The following ST18 variants were observed in gnomAD, a reference collection of about 807,000 sequenced individuals.
The protein encoded by ST18 is ST18 C2H2C-type zinc finger transcription factor, also known as suppression of tumorigenicity 18 protein.
A neutral mutation model predicts 110.0 loss-of-function variants in ST18; 50 were observed. The observed-to-expected ratio is 0.45, with a 90% CI of 0.36 to 0.58. ST18 has a LOEUF of 0.58. ST18 is among the 20% of genes least tolerant of loss of function. The pLI, the probability that ST18 is intolerant of heterozygous loss-of-function variation, is 0.00. For missense variants in ST18, 1,306 were observed against 1,280.1 expected (o/e 1.02, Z -0.31); for synonymous variants, 461 against 452.4 (o/e 1.02, Z -0.24).
intron 2 of ST18, among the ~76,000 whole-genome samples, chr8:52,288,535 A>G (rs1186422899): frequency 1.3e-5 from 2 of 151,924 alleles, no homozygotes; most frequent in South Asian, 2.1e-4. Context: ...TCCCATCTCT[A>G]CTAAAAATAC....
At chr8:52,178,161 T>C (rs1004403118) in intron 9 of ST18, among the ~76,000 whole-genome samples, 1 of 152,166 alleles carries the variant, frequency 6.6e-6, no homozygotes, top group Non-Finnish European at 1.5e-5. Flanking sequence ...GTGAGCCAGA[T>C]ATAGTCTGTC....
At chr8:52,132,426 A>G (rs1214621817) in intron 21 of ST18, among the ~76,000 whole-genome samples, 2 of 152,340 alleles carry the variant, frequency 1.3e-5, no homozygotes, top group Non-Finnish European at 1.5e-5. Context: ...TGAAGCTTAG[A>G]GAGCTCAGGT....
At chr8:52,287,908 G>A (rs771655442) in intron 2 of ST18, among the ~76,000 whole-genome samples, 26 of 152,158 alleles carry the variant, frequency 1.7e-4, no homozygotes, top group Non-Finnish European at 2.9e-4. Flanking sequence ...GAGACCCAGG[G>A]ACCAAGCTGA....
chr8:52,279,037 A>T (rs922011399), intron 2 of ST18, among the ~76,000 whole-genome samples: 2 of 152,206 alleles, frequency 1.3e-5, no homozygotes, highest in African/African-American at 2.4e-5. Flanking sequence ...ATAATTTTTT[A>T]AAAAATAATA....
At chr8:52,299,422 TTCAAAG>T (rs2139497643) in intron 2 of ST18, among the ~76,000 whole-genome samples, 1 of 152,344 alleles carries the variant, frequency 6.6e-6, no homozygotes, top group African/African-American at 2.4e-5. Flanking sequence ...TTTTCAAATC[TTCAAAG>T]TCAATTTTAA....
At chr8:52,330,120 G>A (rs1428229549) in intron 2 of ST18, among the ~76,000 whole-genome samples, 1 of 152,204 alleles carries the variant, frequency 6.6e-6, no homozygotes, top group Non-Finnish European at 1.5e-5. Flanking sequence ...CTAGGATGCA[G>A]AAGGAATTTT....
intron 17 of ST18, among the ~76,000 whole-genome samples, chr8:52,141,040 T>C (rs575499946): frequency 6.6e-5 from 10 of 152,276 alleles, no homozygotes; most frequent in South Asian, 6.2e-4. Context: ...CCTGAAACAG[T>C]GTTCAAGCCG....
intron 11 of ST18, 69 bp downstream of exon 11, chr8:52,166,783 A>G: frequency 2.1e-6 from 3 of 1,401,824 alleles, no homozygotes; most frequent in Non-Finnish European, 1.9e-6. Context: ...AAATTGGGAG[A>G]CAAAGAGGAT....
chr8:52,143,127 G>A (rs1313499918), intron 16 of ST18, 82 bp from the exon 17 acceptor site: 3 of 889,834 alleles, frequency 3.4e-6, no homozygotes, highest in Non-Finnish European at 5.4e-6. Context: ...AATCATTGAA[G>A]CCAGGTTTGA....
At chr8:52,340,783 G>A (rs1814592506) in intron 2 of ST18, among the ~76,000 whole-genome samples, 1 of 152,146 alleles carries the variant, frequency 6.6e-6, no homozygotes, top group African/African-American at 2.4e-5. Context: ...TACTTCCAAA[G>A]TTCAAATATA....
chr8:52,231,898 A>G (rs570830348), intron 2 of ST18, among the ~76,000 whole-genome samples: 1 of 152,218 alleles, frequency 6.6e-6, no homozygotes, highest in East Asian at 1.9e-4. Context: ...GCTCTGGAAC[A>G]TCAGTGACAT....
intron 2 of ST18, among the ~76,000 whole-genome samples, chr8:52,361,774 C>T (rs903525854): frequency 1.3e-5 from 2 of 152,036 alleles, no homozygotes; most frequent in Non-Finnish European, 2.9e-5. Context: ...TTAAAAAATG[C>T]GTTTGGGATC....
intron 9 of ST18, among the ~76,000 whole-genome samples, chr8:52,175,135 C>T (rs538342748): frequency 6.6e-6 from 1 of 152,228 alleles, no homozygotes; most frequent in East Asian, 1.9e-4. Context: ...TTGGCACCAC[C>T]GTAGGCACAT....
intron 15 of ST18, among the ~76,000 whole-genome samples, chr8:52,157,016 C>A (rs917698552): frequency 6.6e-6 from 1 of 152,212 alleles, no homozygotes; most frequent in Non-Finnish European, 1.5e-5. Flanking sequence ...GTGCGGCGAG[C>A]TCCTGTCACC....
At chr8:52,266,313 A>G (rs2138766920) in intron 2 of ST18, among the ~76,000 whole-genome samples, 1 of 152,292 alleles carries the variant, frequency 6.6e-6, no homozygotes, top group African/African-American at 2.4e-5. Context: ...ATGTAAGTGT[A>G]GTTGGATATG....
intron 2 of ST18, among the ~76,000 whole-genome samples, chr8:52,389,043 C>G (rs1369358794): frequency 2.6e-5 from 4 of 151,656 alleles, no homozygotes; most frequent in East Asian, 1.9e-4. Context: ...GACCAGGGCC[C>G]GAGAAGCGTG....
chr8:52,256,463 A>T (rs1245332858), intron 2 of ST18, among the ~76,000 whole-genome samples: 1 of 152,134 alleles, frequency 6.6e-6, no homozygotes. Flanking sequence ...CCTGGACTCA[A>T]GCGATCCTCC....
At chr8:52,181,804 T>C (rs1563918298) in intron 8 of ST18, among the ~76,000 whole-genome samples, 1 of 152,096 alleles carries the variant, frequency 6.6e-6, no homozygotes, top group Non-Finnish European at 1.5e-5. Context: ...TAGATTATGA[T>C]GTAATGAGAG....
At chr8:52,175,370 G>A (rs2066523042) in intron 9 of ST18, among the ~76,000 whole-genome samples, 1 of 152,146 alleles carries the variant, frequency 6.6e-6, no homozygotes, top group Admixed American at 6.5e-5. Flanking sequence ...TCCCACTATT[G>A]AGAAGGCTCA....
Sources: allele counts gnomAD v4.1 joint callset (sites outside exome capture counted in the v4.1 genomes callset), GRCh38; gene constraint gnomAD v4.1.1; transcripts MANE v1.5; gene names NCBI Gene and HGNC (gene_info 2026-07-23, HGNC 2026-07-21).